The following SUPT6H variants were observed in gnomAD, a reference collection of about 807,000 sequenced individuals.
SUPT6H encodes transcription elongation factor SPT6.
Under a neutral mutation model 222.3 loss-of-function variants are expected in SUPT6H, and 11 were observed. The observed-to-expected ratio is 0.05, with a 90% CI of 0.03 to 0.08. The LOEUF is 0.08. Among genes scored for constraint, SUPT6H ranks in the 10% least tolerant of loss-of-function variants. SUPT6H has a pLI of 1.00. For synonymous variants in SUPT6H, 762 were observed against 801.2 expected (o/e 0.95, Z 0.83); for missense variants, 1,422 against 2,216.0 (o/e 0.64, Z 7.19).
At position 28,695,400 on chromosome 17, in the gene SUPT6H, T is replaced by G. The variant is rs746384964; in HGVS notation, c.3823T>G (p.Phe1275Val). 2 of 1,614,060 alleles carry G rather than the reference T, an allele frequency of 1.2e-6. No homozygotes were observed. Among genetic ancestry groups the G allele is most frequent in the Non-Finnish European group, 1.7e-6 (2 of 1,180,004 alleles). Residue 1275 changes from phenylalanine to valine, a missense_variant, in exon 29 of 37, where the codon TTC becomes GTC. Around this residue, in one of 13 missense-constraint regions of SUPT6H, gnomAD observed 39 missense variants for 124.2 expected, o/e 0.31. Transcript: ENST00000314616. ...CRIMKIDIEK[F>V]SADLTCRTSD... The stretch of plus-strand genomic sequence containing the variant: ...CATCATGAAGATTGACATTGAGAAG[T>G]TCAGTGCAGACCTGACCTGCCGCAC...
At chr17:28,663,078 C>G (rs949750885) in intron 1 of SUPT6H, among the ~76,000 whole-genome samples, 2 of 152,182 alleles carry the variant, frequency 1.3e-5, no homozygotes, top group African/African-American at 4.8e-5. Context: ...TCTGAAAATA[C>G]TTCCGTGGAA....
intron 1 of SUPT6H, chr17:28,671,139 C>T (rs1276701716): frequency 5.3e-5 from 8 of 152,204 alleles, no homozygotes; most frequent in Non-Finnish European, 8.8e-5. Flanking sequence ...AGCCACAGAA[C>T]TTAAGGCACC....
Position 28,701,052 on chromosome 17 carries a change from G to A in SUPT6H, c.4918G>A (p.Ala1640Thr). The A allele has an allele frequency of 1.2e-6, 2 of 1,614,048 alleles. No individual in the cohort carries two copies. The highest frequency in any genetic ancestry group is 1.7e-6 in the Non-Finnish European group (2 of 1,180,020). ...ITTPQYHQLQ[A>T]STTPQSAQAQ... ...CACCCCTCAGTACCACCAGCTCCAG[G>A]CCAGCACCACCCCACAGTCGGCCCA... The change falls in exon 36 of 37, where the codon GCC (alanine) becomes ACC (threonine). Residue 1640 changes from alanine to threonine, a missense_variant. Transcript: ENST00000314616.
rs1314013652 is a variant in SUPT6H, at chr17:28,684,951, G to C, written c.2477G>C (p.Arg826Pro). The C allele has an allele frequency of 6.2e-7, 1 of 1,613,832 alleles. No homozygotes were observed. Among genetic ancestry groups the C allele is most frequent in the Non-Finnish European group, 8.5e-7 (1 of 1,179,894 alleles). Residue 826 changes from arginine to proline, a missense_variant, in exon 19 of 37, where the codon CGG (arginine) becomes CCG (proline). By Grantham distance (103) the Arg-to-Pro change is moderately radical. Coordinates refer to ENST00000314616, the MANE Select transcript of SUPT6H (RefSeq NM_003170.5). ...CGAACTGCATGGAGAGAGGAAGAGC[G>C]GGAAAAGAAGGCAAGTGGCTAGGAC... ...KRRTAWREEE[R>P]EKKAQDIETL... is the part of the protein sequence containing the mutation.
At chr17:28,678,408 A>T (rs1181337234) in intron 9 of SUPT6H, 137 bp from the exon 10 acceptor site, 3 of 926,542 alleles carry the variant, frequency 3.2e-6, no homozygotes, top group Admixed American at 2.4e-5. Context: ...CAGGCCCTGG[A>T]AGGGCTGTGA....
In SUPT6H at chr17:28,701,590, G is replaced by A; in HGVS notation, c.5146G>A (p.Asp1716Asn). ...IESTPMSIAG[D>N]ATPLLDEMDR ...AAGCACCCCCATGTCCATTGCTGGC[G>A]ATGCCACCCCACTCCTGGACGAGAT... The change falls in exon 37 of 37, where the codon GAT becomes AAT. Residue 1716 changes from aspartate to asparagine, a missense_variant. Transcript: ENST00000314616. The A allele has an allele frequency of 1.9e-6, 3 of 1,613,550 alleles. No homozygotes were observed. Among genetic ancestry groups the A allele is most frequent in the Non-Finnish European group, 2.5e-6 (3 of 1,179,634 alleles).
At chr17:28,681,163 A>T in intron 11 of SUPT6H, 93 bp from the exon 12 acceptor site, 2 of 1,408,136 alleles carry the variant, frequency 1.4e-6, no homozygotes, top group Non-Finnish European at 2.0e-6. Flanking sequence ...TTTAGTTGGG[A>T]TACTGCCTTT....
intron 27 of SUPT6H, among the ~76,000 whole-genome samples, chr17:28,693,003 A>T: frequency 6.7e-6 from 1 of 149,474 alleles, no homozygotes; most frequent in South Asian, 2.1e-4. Context: ...TCTGTCTCAA[A>T]AAAAAAAAAA....
intron 36 of SUPT6H, 149 bp downstream of exon 36, chr17:28,701,277 C>G: frequency 3.6e-6 from 5 of 1,396,146 alleles, no homozygotes; most frequent in Non-Finnish European, 4.8e-6. Context: ...TGGGTGAAGA[C>G]GGAAGAGGGC....
At chr17:28,663,045 A>G (rs900432500) in intron 1 of SUPT6H, among the ~76,000 whole-genome samples, 5 of 152,240 alleles carry the variant, frequency 3.3e-5, no homozygotes, top group African/African-American at 2.4e-5. Flanking sequence ...AAGAACTGAT[A>G]CTTATTTCAG....
In SUPT6H at chr17:28,701,636, C is replaced by G. The variant is rs1350154737; in HGVS notation, c.*11C>G. 2 of 1,596,670 alleles carry G rather than the reference C, an allele frequency of 1.3e-6. No homozygotes were observed. Among genetic ancestry groups the G allele is most frequent in the African/African-American group, 2.7e-5 (2 of 74,616 alleles). ...GAGATGGATCGGTAGGGGGCCTGCT[C>G]CTCGGACTCTGGTTACCTCTGAGGC... is the stretch of plus-strand genomic sequence containing the variant. On this transcript the variant is annotated 3_prime_UTR_variant, in exon 37 of 37. Transcript: ENST00000314616.
intron 1 of SUPT6H, among the ~76,000 whole-genome samples, chr17:28,662,593 G>A (rs1190999156): frequency 6.6e-6 from 1 of 152,170 alleles, no homozygotes; most frequent in African/African-American, 2.4e-5. Flanking sequence ...CAGGCTTCCT[G>A]GCATCCCGTC....
At position 28,697,700 on chromosome 17, in the gene SUPT6H, G is replaced by A; in HGVS notation, c.4290G>A (p.Lys1430=). 1 of 1,614,222 alleles carries A rather than the reference G, an allele frequency of 6.2e-7. No individual in the cohort carries two copies. Among genetic ancestry groups the A allele is most frequent in the Non-Finnish European group, 8.5e-7 (1 of 1,180,050 alleles). Reference sequence around the variant, plus strand: ...TTGCCCGGGACCTTCTGAATCACAAGTATTATCAGGACTGCAGCGGTGGGG... The same window carrying A: ...TTGCCCGGGACCTTCTGAATCACAAATATTATCAGGACTGCAGCGGTGGGG... The part of the protein sequence containing the change: ...ASFARDLLNH[K]YYQDCSGGDR... The change falls in exon 31 of 37, where the codon AAG becomes AAA. Residue 1430 remains lysine (K), a synonymous_variant. Transcript: ENST00000314616.
chr17:28,682,851 T>C lies in SUPT6H; in HGVS notation c.1722T>C (p.Val574=). The C allele has an allele frequency of 1.9e-6, 3 of 1,614,102 alleles. No homozygotes were observed. Among genetic ancestry groups the C allele is most frequent in the Non-Finnish European group, 1.7e-6 (2 of 1,180,016 alleles). ...CCTTGGAGCTGGCCAAGGATTACGT[T>C]TGCAGGTAGGCATGCAGCAGGTGGC... ...AEPLELAKDY[V]CSQFPTPEAV... is the part of the protein sequence containing the mutation. Residue 574 remains valine (V), a synonymous_variant, in exon 14 of 37, where the codon GTT becomes GTC. Transcript: ENST00000314616.
chr17:28,677,891 T>C, intron 8 of SUPT6H, 75 bp downstream of exon 8: 3 of 1,390,184 alleles, frequency 2.2e-6, no homozygotes, highest in Non-Finnish European at 2.0e-6. Flanking sequence ...CTTCCTCCCC[T>C]ATTTCATACA....
chr17:28,677,881 C>A, intron 8 of SUPT6H, 65 bp downstream of exon 8: 1 of 1,433,498 alleles, frequency 7.0e-7, no homozygotes, highest in Non-Finnish European at 9.8e-7. Flanking sequence ...ATGGGGAGCT[C>A]TTCCTCCCCT....
chr17:28,676,093 C>T (rs940934099), intron 6 of SUPT6H, 64 bp from the exon 7 acceptor site: 2 of 1,516,604 alleles, frequency 1.3e-6, no homozygotes, highest in Non-Finnish European at 1.8e-6. Flanking sequence ...AGGATCTATG[C>T]AAGGGCTGCA....
At chr17:28,700,861 C>T in intron 35 of SUPT6H, 80 bp from the exon 36 acceptor site, 2 of 1,502,178 alleles carry the variant, frequency 1.3e-6, no homozygotes, top group Non-Finnish European at 1.8e-6. Flanking sequence ...GCTGAGCCCA[C>T]CCTTGCGCTT....
chr17:28,667,798 A>G (rs1424958158), intron 1 of SUPT6H, among the ~76,000 whole-genome samples: 2 of 151,914 alleles, frequency 1.3e-5, no homozygotes, highest in African/African-American at 2.4e-5. Flanking sequence ...GTTATTAACA[A>G]GTTTTTTGAG....
Sources: allele counts gnomAD v4.1 joint callset (sites outside exome capture counted in the v4.1 genomes callset), GRCh38; gene constraint gnomAD v4.1.1; regional missense constraint gnomAD v4.1.1; transcripts MANE v1.5; gene names NCBI Gene and HGNC (gene_info 2026-07-23, HGNC 2026-07-21).